RABGAP1L: variants seen among roughly 807,000 people sequenced by gnomAD.
RABGAP1L encodes the protein rab GTPase-activating protein 1-like.
A neutral mutation model predicts 137.7 loss-of-function variants in RABGAP1L; 63 were observed. The observed-to-expected ratio is 0.46, with a 90% confidence interval of 0.37 to 0.56. The LOEUF (loss-of-function observed/expected upper bound fraction) is 0.56, where lower values mean the gene tolerates loss of function less well. RABGAP1L is among the 20% of genes least tolerant of loss of function. RABGAP1L has a pLI of 0.00. For missense variants in RABGAP1L, 1,095 were observed against 1,244.0 expected, an observed-to-expected ratio of 0.88 and a Z score of 1.80; for synonymous variants, 431 against 433.7, an observed-to-expected ratio of 0.99 and a Z score of 0.08.
At chr1:174,356,717 A>G (rs564659950) in intron 11 of RABGAP1L, among the ~76,000 whole-genome samples, 2 of 152,104 alleles carry the variant, frequency 1.3e-5, no homozygotes, top group East Asian at 1.9e-4. Context: ...ACAATTAGCT[A>G]CTGATCTCTG....
At chr1:174,219,088 A>G in intron 1 of RABGAP1L, 37 bp from the exon 2 acceptor site, 1 of 1,393,554 alleles carries the variant, frequency 7.2e-7, no homozygotes, top group East Asian at 2.4e-5. Context: ...GTTTTTAATC[A>G]GTAGGTTTTT....
chr1:174,558,861 G>C (rs1232612698), intron 13 of RABGAP1L, among the ~76,000 whole-genome samples: 1 of 152,118 alleles, frequency 6.6e-6, no homozygotes, highest in Admixed American at 6.6e-5. Flanking sequence ...CAGTCATTAT[G>C]AATCTTGCAT....
At chr1:174,511,973 A>AT (rs565883788) in intron 13 of RABGAP1L, among the ~76,000 whole-genome samples, 15 of 151,854 alleles carry the variant, frequency 9.9e-5, no homozygotes, top group Non-Finnish European at 1.5e-4. Flanking sequence ...GTTTTAGATG[A>AT]TTTTTTCCAA....
chr1:174,527,365 G>A (rs1012815900), intron 13 of RABGAP1L, among the ~76,000 whole-genome samples: 4 of 151,874 alleles, frequency 2.6e-5, no homozygotes, highest in Non-Finnish European at 4.4e-5. Context: ...ACCATGCCCC[G>A]TGAATTTTTG....
At chr1:174,665,210 C>G (rs1676691896) in intron 14 of RABGAP1L, among the ~76,000 whole-genome samples, 1 of 152,170 alleles carries the variant, frequency 6.6e-6, no homozygotes. Context: ...TGCCTGGGCT[C>G]TGGAGCTGGA....
At chr1:174,275,609 G>T (rs998786054) in intron 8 of RABGAP1L, among the ~76,000 whole-genome samples, 1 of 151,942 alleles carries the variant, frequency 6.6e-6, no homozygotes, top group South Asian at 2.1e-4. Context: ...TTTATCCAAG[G>T]GTACATGTCT....
intron 1 of RABGAP1L, among the ~76,000 whole-genome samples, chr1:174,201,811 C>A (rs551037667): frequency 5.9e-4 from 73 of 124,104 alleles, no homozygotes; most frequent in Non-Finnish European, 1.0e-4. Flanking sequence ...CTCCCCCCAC[C>A]CCACAACAGT....
chr1:174,794,855 T>C (rs147642893), intron 18 of RABGAP1L, among the ~76,000 whole-genome samples: 72 of 152,378 alleles, frequency 4.7e-4, no homozygotes, highest in African/African-American at 1.7e-3. Context: ...GTTTCCTTTT[T>C]CATTTTTGTA....
intron 14 of RABGAP1L, among the ~76,000 whole-genome samples, chr1:174,640,240 T>C (rs973112163): frequency 3.3e-5 from 5 of 152,098 alleles, no homozygotes; most frequent in Non-Finnish European, 7.4e-5. Context: ...TTTACTGTTA[T>C]TTAGTATCTC....
intron 13 of RABGAP1L, among the ~76,000 whole-genome samples, chr1:174,450,296 G>A: frequency 6.6e-6 from 1 of 152,034 alleles, no homozygotes; most frequent in Admixed American, 6.6e-5. Context: ...GCTTACTGTT[G>A]TGTCCACTAG....
intron 1 of RABGAP1L, among the ~76,000 whole-genome samples, chr1:174,164,673 A>T (rs1168131040): frequency 2.0e-5 from 3 of 152,234 alleles, no homozygotes. Flanking sequence ...CCTCATAGGT[A>T]GTTGTTAAAC....
intron 19 of RABGAP1L, among the ~76,000 whole-genome samples, chr1:174,817,723 T>C (rs1690584679): frequency 6.6e-6 from 1 of 152,182 alleles, no homozygotes; most frequent in South Asian, 2.1e-4. Flanking sequence ...GGGAATGGAT[T>C]GAAAGGGTTA....
At chr1:174,171,226 A>G (rs1279207364) in intron 1 of RABGAP1L, among the ~76,000 whole-genome samples, 2 of 152,198 alleles carry the variant, frequency 1.3e-5, no homozygotes, top group Admixed American at 6.5e-5. Flanking sequence ...AATATCCTCA[A>G]ATTAGCGAGA....
In RABGAP1L at chr1:174,448,214, A is replaced by AGT; in HGVS notation, c.1710+54073_1710+54074dup. 1 of 1,613,956 alleles carries AGT rather than the reference A, an allele frequency of 6.2e-7. No homozygotes were observed. Among genetic ancestry groups the AGT allele is most frequent in the Admixed American group, 1.7e-5 (1 of 59,998 alleles). On this transcript the variant is annotated intron_variant, in intron 13 of 25. Coordinates refer to ENST00000681986, the MANE Select transcript of RABGAP1L (RefSeq NM_001366446.1). The surrounding 1 kb of genome is among the most constrained non-coding windows in gnomAD (Gnocchi z 4.2). ...CTGCCCACTTGGATTTGGCCACTAC[A>AGT]GTGTGGTGGATGTCTGCATCTTCGA...
chr1:174,880,232 A>G (rs1653949130), intron 19 of RABGAP1L, among the ~76,000 whole-genome samples: 3 of 152,176 alleles, frequency 2.0e-5, no homozygotes, highest in Non-Finnish European at 1.5e-5. Context: ...ACTACAATAT[A>G]CACTATAACT....
At chr1:174,596,215 G>C (rs1324030939) in intron 13 of RABGAP1L, among the ~76,000 whole-genome samples, 2 of 90,504 alleles carry the variant, frequency 2.2e-5, no homozygotes, top group Non-Finnish European at 3.8e-5. Context: ...GCTTCGGCTC[G>C]CGCACGGTGC....
chr1:174,185,926 C>G (rs934254305), intron 1 of RABGAP1L, among the ~76,000 whole-genome samples: 2 of 152,096 alleles, frequency 1.3e-5, no homozygotes, highest in African/African-American at 4.8e-5. Flanking sequence ...GGCGGATCAC[C>G]TAAGGTCGGG....
intron 14 of RABGAP1L, among the ~76,000 whole-genome samples, chr1:174,668,892 T>C (rs1019406515): frequency 1.3e-5 from 2 of 152,164 alleles, no homozygotes; most frequent in African/African-American, 4.8e-5. Flanking sequence ...TGTTGGCCAT[T>C]TGTACGTCTT....
At chr1:174,187,173 T>C (rs1012829018) in intron 1 of RABGAP1L, among the ~76,000 whole-genome samples, 1 of 152,088 alleles carries the variant, frequency 6.6e-6, no homozygotes, top group Non-Finnish European at 1.5e-5. Flanking sequence ...AGAGGCTTCG[T>C]AAATATTAGA....
Sources: gnomAD v4.1 joint callset for allele counts (sites outside exome capture counted in the v4.1 genomes callset) on GRCh38, gnomAD v4.1.1 for gene constraint, Gnocchi (gnomAD v3.1) non-coding constraint, MANE v1.5 for transcripts, NCBI Gene and HGNC (gene_info 2026-07-23, HGNC 2026-07-21) for gene names.